Variants in AOPEP observed in about 807,000 individuals in gnomAD.
AOPEP encodes aminopeptidase O.
Under a neutral mutation model 98.1 loss-of-function variants are expected in AOPEP, and 77 were observed. The observed-to-expected ratio is 0.78, with a 90% CI of 0.65 to 0.95. The LOEUF (loss-of-function observed/expected upper bound fraction) is 0.95, where lower values mean the gene tolerates loss of function less well. AOPEP is among the 40% of genes least tolerant of loss of function. AOPEP has a pLI of 0.00. For synonymous variants in AOPEP, 346 were observed against 365.3 expected (o/e 0.95, Z 0.60); for missense variants, 1,024 against 1,024.7 (o/e 1.00, Z 0.01).
chr9:94,924,247 C>A, intron 6 of AOPEP, 72 bp downstream of exon 6: 1 of 1,233,850 alleles, frequency 8.1e-7, no homozygotes, highest in South Asian at 2.5e-5. Context: ...GCTCACCCAA[C>A]AGCTATGGAC....
At chr9:95,076,577 A>G (rs1053211147) in intron 14 of AOPEP, among the ~76,000 whole-genome samples, 16 of 152,332 alleles carry the variant, frequency 1.1e-4, no homozygotes, top group Middle Eastern at 3.4e-3. Flanking sequence ...TAAATAATCA[A>G]TGTAATTATA....
chr9:95,135,260 T>TC, the AOPEP span: 17 of 1,311,186 alleles, frequency 1.3e-5, no homozygotes, highest in Non-Finnish European at 1.7e-5. Context: ...TTTGTTTACA[T>TC]CCCCCCCTTT....
At chr9:95,045,989 G>A (rs563369767) in intron 13 of AOPEP, among the ~76,000 whole-genome samples, 1 of 152,320 alleles carries the variant, frequency 6.6e-6, no homozygotes, top group South Asian at 2.1e-4. Flanking sequence ...CAGGTGGCAC[G>A]AGCACTGCTG....
chr9:95,044,283 T>C (rs1485592308), intron 13 of AOPEP, among the ~76,000 whole-genome samples: 1 of 152,174 alleles, frequency 6.6e-6, no homozygotes, highest in Non-Finnish European at 1.5e-5. Flanking sequence ...ATTTTCATCA[T>C]TTAGTTGCTA....
chr9:95,073,425 A>G (rs2068700886), intron 14 of AOPEP, among the ~76,000 whole-genome samples: 1 of 151,638 alleles, frequency 6.6e-6, no homozygotes, highest in Non-Finnish European at 1.5e-5. Flanking sequence ...TATGAAATCC[A>G]TCTAGTAGGT....
chr9:94,885,712 C>G (rs1190378741), intron 5 of AOPEP, among the ~76,000 whole-genome samples: 1 of 152,098 alleles, frequency 6.6e-6, no homozygotes, highest in Non-Finnish European at 1.5e-5. Context: ...GTTTTGCATT[C>G]TTGGGTTAAG....
chr9:94,787,288 A>T (rs956343775), intron 3 of AOPEP, among the ~76,000 whole-genome samples: 1 of 152,176 alleles, frequency 6.6e-6, no homozygotes, highest in Non-Finnish European at 1.5e-5. Context: ...TGTCTTCCCC[A>T]TGTCACCTTG....
At chr9:94,754,502 C>T (rs893851030) in intron 1 of AOPEP, among the ~76,000 whole-genome samples, 1 of 152,110 alleles carries the variant, frequency 6.6e-6, no homozygotes, top group African/African-American at 2.4e-5. Context: ...ACAGGTGTAT[C>T]CTGAGAAGAA....
At chr9:94,809,627 C>G (rs529999525) in intron 5 of AOPEP, among the ~76,000 whole-genome samples, 1 of 152,340 alleles carries the variant, frequency 6.6e-6, no homozygotes, top group African/African-American at 2.4e-5. Context: ...TTGGGACTCA[C>G]AGTTTGGTGC....
chr9:94,790,728 C>T (rs1437842455), intron 3 of AOPEP, among the ~76,000 whole-genome samples: 2 of 151,988 alleles, frequency 1.3e-5, no homozygotes, highest in South Asian at 2.1e-4. Flanking sequence ...GAACCATGCA[C>T]GTGGAGATCA....
At chr9:94,779,797 T>C (rs1018370652) in intron 3 of AOPEP, among the ~76,000 whole-genome samples, 3 of 152,172 alleles carry the variant, frequency 2.0e-5, no homozygotes, top group Non-Finnish European at 2.9e-5. Context: ...GAACACCTGT[T>C]CTACCCTGAG....
At chr9:94,799,723 G>A (rs960556790) in intron 4 of AOPEP, among the ~76,000 whole-genome samples, 6 of 152,026 alleles carry the variant, frequency 3.9e-5, no homozygotes, top group South Asian at 4.1e-4. Context: ...TTAGCCAGGC[G>A]TGGTGGCACA....
At chr9:94,806,273 G>A (rs904750712) in intron 5 of AOPEP, among the ~76,000 whole-genome samples, 5 of 152,048 alleles carry the variant, frequency 3.3e-5, no homozygotes, top group Non-Finnish European at 7.4e-5. Context: ...TATTGTTGTC[G>A]TTTCTTTCTC....
intron 14 of AOPEP, among the ~76,000 whole-genome samples, chr9:95,069,961 T>G (rs531114310): frequency 5.5e-4 from 84 of 152,390 alleles, no homozygotes; most frequent in African/African-American, 1.8e-3. Flanking sequence ...TAACTTTTAA[T>G]TTCCTTTAGT....
At chr9:95,088,733 T>C (rs1669185602), downstream of AOPEP, among the ~76,000 whole-genome samples, 1 of 152,230 alleles carries the variant, frequency 6.6e-6, no homozygotes, top group South Asian at 2.1e-4. Flanking sequence ...CTTTATCTTC[T>C]TTAGAAACCA....
At chr9:95,095,288 ACT>A in the AOPEP span, among the ~76,000 whole-genome samples, 4 of 151,894 alleles carry the variant, frequency 2.6e-5, no homozygotes, top group African/African-American at 9.7e-5. Flanking sequence ...CCTGTTCCGC[ACT>A]CTGTCATCAG....
the AOPEP span, among the ~76,000 whole-genome samples, chr9:95,106,095 G>A: frequency 2.6e-5 from 4 of 152,208 alleles, no homozygotes; most frequent in African/African-American, 9.7e-5. Context: ...GGAAGCATAT[G>A]AGTGTTCCGG....
chr9:94,827,972 A>G lies in AOPEP; in HGVS notation c.1364+26970A>G, dbSNP rs561039171. On this transcript the variant is annotated intron_variant, in intron 5 of 16. Transcript: ENST00000375315. ...TTGCATTTCCCGGACACAGAATAAG[A>G]ACAAGGGAGAGAACCAGATGAGAAC... Among the ~76,000 whole-genome samples the G allele has an allele frequency of 1.2e-3, 176 of 152,348 alleles. 1 individual carries two copies. The highest frequency in any genetic ancestry group is 3.9e-3 in the African/African-American group (161 of 41,574).
At chr9:95,142,881 C>T in the AOPEP span, among the ~76,000 whole-genome samples, 2 of 152,170 alleles carry the variant, frequency 1.3e-5, no homozygotes, top group Non-Finnish European at 1.5e-5. Flanking sequence ...TTCCTCCACA[C>T]AAACCAATGC....
Sources: gnomAD v4.1 joint callset for allele counts (sites outside exome capture counted in the v4.1 genomes callset) on GRCh38, gnomAD v4.1.1 for gene constraint, MANE v1.5 for transcripts, NCBI Gene and HGNC (gene_info 2026-07-23, HGNC 2026-07-21) for gene names.